XKR9: variants seen among roughly 807,000 people sequenced by gnomAD.
XKR9 encodes XK-related protein 9.
Under a neutral mutation model 32.0 loss-of-function variants are expected in XKR9, and 32 were observed. The observed-to-expected ratio is 1.00, with a 90% CI of 0.76 to 1.34. The LOEUF is 1.34. XKR9 is among the 40% of genes most tolerant of loss of function. The probability of loss-of-function intolerance (pLI) is 0.00; values close to 1 mark genes in which losing one functional copy is unlikely to be tolerated. For missense variants in XKR9, 546 were observed against 429.7 expected, an observed-to-expected ratio of 1.27 and a Z score of -2.39; for synonymous variants, 168 against 143.4, an observed-to-expected ratio of 1.17 and a Z score of -1.22.
At chr8:71,034,990 A>C in the XKR9 span, among the ~76,000 whole-genome samples, 3 of 152,216 alleles carry the variant, frequency 2.0e-5, no homozygotes, top group Admixed American at 2.0e-4. Flanking sequence ...GAACAATGTA[A>C]TGTATTATAT....
the XKR9 span, among the ~76,000 whole-genome samples, chr8:70,890,559 A>G: frequency 6.6e-6 from 1 of 151,974 alleles, no homozygotes; most frequent in African/African-American, 2.4e-5. Context: ...TATTGAGATG[A>G]TCATGTGATT....
chr8:70,899,805 G>GTT, the XKR9 span, among the ~76,000 whole-genome samples: 1 of 152,192 alleles, frequency 6.6e-6, no homozygotes, highest in Middle Eastern at 3.4e-3. Flanking sequence ...AAGTGACAGA[G>GTT]TTCTCCCTTT....
At chr8:70,764,454 A>T (rs1807348496) in intron 2 of XKR9, among the ~76,000 whole-genome samples, 1 of 152,028 alleles carries the variant, frequency 6.6e-6, no homozygotes, top group South Asian at 2.1e-4. Context: ...TCTCTTCCCA[A>T]AGTGCACTGG....
chr8:70,773,895 C>CT (rs1807485666), intron 2 of XKR9, among the ~76,000 whole-genome samples: 1 of 152,156 alleles, frequency 6.6e-6, no homozygotes. Flanking sequence ...ATAGGGTCAT[C>CT]TTCATGTAGA....
the XKR9 span, among the ~76,000 whole-genome samples, chr8:70,873,441 T>A: frequency 2.0e-5 from 3 of 152,302 alleles, no homozygotes; most frequent in Admixed American, 1.3e-4. Flanking sequence ...ACATTTGTGA[T>A]ACATGAGAGA....
At chr8:70,960,075 C>A in the XKR9 span, among the ~76,000 whole-genome samples, 1 of 152,014 alleles carries the variant, frequency 6.6e-6, no homozygotes, top group Non-Finnish European at 1.5e-5. Context: ...ACTAAAAATA[C>A]AAAAATTAGT....
chr8:70,701,045 C>T (rs1170880781), intron 3 of XKR9, among the ~76,000 whole-genome samples: 1 of 152,190 alleles, frequency 6.6e-6, no homozygotes, highest in African/African-American at 2.4e-5. Context: ...CGGAAAAGCG[C>T]AGTATTCGGG....
intron 4 of XKR9, among the ~76,000 whole-genome samples, chr8:70,709,808 A>AAC (rs773916645): frequency 3.3e-4 from 51 of 152,350 alleles, no homozygotes; most frequent in Non-Finnish European, 5.9e-4. Flanking sequence ...TGGTGACACA[A>AAC]ACAAATGGAA....
chr8:70,762,778 C>T (rs1373687245), intron 2 of XKR9, among the ~76,000 whole-genome samples: 5 of 152,034 alleles, frequency 3.3e-5, no homozygotes, highest in African/African-American at 4.8e-5. Flanking sequence ...ATAAGATATC[C>T]CTAAATTTAA....
the XKR9 span, among the ~76,000 whole-genome samples, chr8:70,947,076 T>A: frequency 4.0e-4 from 61 of 152,254 alleles, no homozygotes; most frequent in African/African-American, 1.4e-3. Flanking sequence ...AAAATGGAAA[T>A]GAAAATTGTA....
intron 2 of XKR9, among the ~76,000 whole-genome samples, chr8:70,766,623 C>G (rs991543413): frequency 2.6e-5 from 4 of 152,200 alleles, no homozygotes; most frequent in Non-Finnish European, 5.9e-5. Flanking sequence ...GCCAGAACTT[C>G]CAATACTATG....
chr8:70,743,898 C>T (rs962754833), intron 2 of XKR9, among the ~76,000 whole-genome samples: 3 of 151,698 alleles, frequency 2.0e-5, no homozygotes, highest in African/African-American at 7.3e-5. Context: ...TGTCTGCTTG[C>T]TTTTTTTTGC....
At position 70,747,757 on chromosome 8, in the gene XKR9, T is replaced by A. The variant is rs906894767; in HGVS notation, n.352+40604T>A. Among the ~76,000 whole-genome samples, 5 of 152,334 alleles carry A rather than the reference T, an allele frequency of 3.3e-5. No homozygotes were observed. In the South Asian group the frequency reaches 1.0e-3, roughly 32 times the overall value. On this transcript the variant is annotated intron_variant and non_coding_transcript_variant, in intron 2 of 3. Coordinates refer to the XKR9 transcript ENST00000520273. ...TCTTGGCTTGAGGCAACAATTACTT[T>A]TAATTGCAATGTAGAAATTTTTATT...
chr8:71,018,765 T>G, the XKR9 span, among the ~76,000 whole-genome samples: 2 of 152,212 alleles, frequency 1.3e-5, no homozygotes, highest in Non-Finnish European at 2.9e-5. Context: ...AAAAGATGAC[T>G]TTCTGAATTA....
the XKR9 span, among the ~76,000 whole-genome samples, chr8:71,010,198 G>A: frequency 6.6e-6 from 1 of 152,184 alleles, no homozygotes. Context: ...GTACATGACA[G>A]CTGATAAGAA....
chr8:70,743,898 C>CT lies in XKR9; in HGVS notation n.352+36753dup, dbSNP rs368871338. On this transcript the variant is annotated intron_variant and non_coding_transcript_variant, in intron 2 of 3. Transcript: ENST00000520273. ...TCGACCTCTCTCCAGTGTCTGCTTG[C>CT]TTTTTTTTGCTGTGAAGTGCTTTGA... is the stretch of plus-strand genomic sequence containing the variant. Among the ~76,000 whole-genome samples the CT allele has an allele frequency of 3.8e-4, 57 of 151,810 alleles. No homozygotes were observed. In the South Asian group the frequency reaches 5.4e-3, roughly 14 times the overall value.
chr8:70,738,806 C>G (rs1411639973), downstream of XKR9, among the ~76,000 whole-genome samples: 4 of 152,198 alleles, frequency 2.6e-5, no homozygotes, highest in East Asian at 3.9e-4. Flanking sequence ...ATCCTGAGTT[C>G]TAGTTTGATT....
At chr8:71,055,140 T>C in the XKR9 span, among the ~76,000 whole-genome samples, 1 of 152,216 alleles carries the variant, frequency 6.6e-6, no homozygotes, top group Non-Finnish European at 1.5e-5. Flanking sequence ...ATTAGGTAGA[T>C]GTTTGGGATT....
At chr8:70,804,549 T>C in the XKR9 span, among the ~76,000 whole-genome samples, 1 of 152,200 alleles carries the variant, frequency 6.6e-6, no homozygotes. Flanking sequence ...TGTTATTAGA[T>C]AAAAACTGGG....
Sources: gnomAD v4.1 joint callset for allele counts (sites outside exome capture counted in the v4.1 genomes callset) on GRCh38, gnomAD v4.1.1 for gene constraint, MANE v1.5 for transcripts, NCBI Gene and HGNC (gene_info 2026-07-23, HGNC 2026-07-21) for gene names.